The following SGK3 variants were observed in gnomAD, a reference collection of about 807,000 sequenced individuals.
The protein encoded by SGK3 is serine/threonine-protein kinase Sgk3.
Under a neutral mutation model 68.5 loss-of-function variants are expected in SGK3, and 47 were observed. That is an observed-to-expected ratio of 0.69 (90% CI 0.54 to 0.87). The LOEUF is 0.87. Ranked by LOEUF, SGK3 falls within the 40% of genes least tolerant of loss-of-function variation. SGK3 has a pLI of 0.00. For missense variants in SGK3, 479 were observed against 575.5 expected (o/e 0.83, Z 1.72); for synonymous variants, 181 against 189.1 (o/e 0.96, Z 0.35).
intron 14 of SGK3, among the ~76,000 whole-genome samples, chr8:66,846,885 C>T (rs367896843): frequency 6.6e-6 from 1 of 152,124 alleles, no homozygotes; most frequent in African/African-American, 2.4e-5. Flanking sequence ...TGTCATTATG[C>T]CTATGATAAG....
intron 1 of SGK3, among the ~76,000 whole-genome samples, chr8:66,724,847 C>T (rs1585633120): frequency 6.6e-6 from 1 of 152,164 alleles, no homozygotes; most frequent in African/African-American, 2.4e-5. Context: ...GTGGCTCACG[C>T]CTGGGAGGCC....
chr8:66,837,705 G>T (rs1292969215), intron 10 of SGK3, among the ~76,000 whole-genome samples: 4 of 152,132 alleles, frequency 2.6e-5, no homozygotes, highest in Non-Finnish European at 4.4e-5. Flanking sequence ...GATTGTTTGA[G>T]CCCAGGAGGT....
chr8:66,817,525 G>T (rs1056382968), intron 5 of SGK3, among the ~76,000 whole-genome samples: 1 of 151,626 alleles, frequency 6.6e-6, no homozygotes, highest in African/African-American at 2.4e-5. Flanking sequence ...GCTAATTTTT[G>T]TATTTTTAAT....
intron 12 of SGK3, among the ~76,000 whole-genome samples, chr8:66,840,498 T>C (rs1261348011): frequency 6.6e-6 from 1 of 152,168 alleles, no homozygotes; most frequent in Non-Finnish European, 1.5e-5. Context: ...TACATCTGTA[T>C]TGCGTAGAGC....
In SGK3 at chr8:66,744,766, A is replaced by G. The variant is rs146864541; in HGVS notation, c.-122+31933A>G. On this transcript the variant is annotated intron_variant, in intron 1 of 16. Transcript: ENST00000521198. ...AATGATCCACCCGCCTTGGCCTCGC[A>G]GTGTGCTGGGATTACAGGCATGAGC... is the stretch of plus-strand genomic sequence containing the variant. 5.9e-3 allele frequency among the ~76,000 whole-genome samples: 887 copies of G among 149,562 alleles called. 11 individuals are homozygous for G. The highest frequency in any genetic ancestry group is 0.02 in the African/African-American group (823 of 40,866).
intron 3 of SGK3, among the ~76,000 whole-genome samples, chr8:66,801,670 T>TCA (rs746046734): frequency 1.2e-4 from 18 of 150,508 alleles, no homozygotes; most frequent in East Asian, 9.7e-4. Context: ...TCTCTCTCTC[T>TCA]CACACACACA....
intron 5 of SGK3, among the ~76,000 whole-genome samples, chr8:66,815,468 G>A (rs188914677): frequency 1.4e-4 from 21 of 152,226 alleles, no homozygotes; most frequent in Admixed American, 1.2e-3. Flanking sequence ...CTTACTATTT[G>A]GCTCTTTGTT....
chr8:66,749,083 G>A (rs1328438323), intron 1 of SGK3, among the ~76,000 whole-genome samples: 1 of 152,100 alleles, frequency 6.6e-6, no homozygotes, highest in Non-Finnish European at 1.5e-5. Context: ...TATTCTAAAT[G>A]AATGAATGCT....
At chr8:66,730,142 T>A (rs760562099) in intron 1 of SGK3, among the ~76,000 whole-genome samples, 24 of 152,196 alleles carry the variant, frequency 1.6e-4, no homozygotes, top group Admixed American at 3.9e-4. Context: ...TTCTTTCTAT[T>A]TTAGCCATTT....
At chr8:66,798,710 T>C (rs2130592041) in intron 3 of SGK3, 85 bp downstream of exon 3, 4 of 1,157,184 alleles carry the variant, frequency 3.5e-6, no homozygotes, top group East Asian at 2.4e-5. Context: ...AATGATTAAA[T>C]TGATACTCAT....
chr8:66,802,773 G>A (rs1284190641), intron 3 of SGK3, among the ~76,000 whole-genome samples: 2 of 151,548 alleles, frequency 1.3e-5, no homozygotes, highest in Non-Finnish European at 2.9e-5. Flanking sequence ...AGGAAGGAAG[G>A]AAGGTTAATT....
intron 1 of SGK3, among the ~76,000 whole-genome samples, chr8:66,713,516 A>T (rs1407817652): frequency 6.6e-6 from 1 of 152,240 alleles, no homozygotes; most frequent in Non-Finnish European, 1.5e-5. Flanking sequence ...ACCAGAGACT[A>T]CTTAGTGTGC....
intron 1 of SGK3, among the ~76,000 whole-genome samples, chr8:66,756,138 G>T (rs901841512): frequency 1.3e-5 from 2 of 152,042 alleles, no homozygotes; most frequent in African/African-American, 4.8e-5. Context: ...ACTTAGCTAC[G>T]TACACAAGGA....
At chr8:66,725,919 T>C (rs894956461) in intron 1 of SGK3, among the ~76,000 whole-genome samples, 3 of 152,162 alleles carry the variant, frequency 2.0e-5, no homozygotes, top group African/African-American at 7.2e-5. Flanking sequence ...CCATTGCAAT[T>C]ACTGCAACAT....
chr8:66,745,294 A>G (rs1805620974), intron 1 of SGK3, among the ~76,000 whole-genome samples: 1 of 152,160 alleles, frequency 6.6e-6, no homozygotes, highest in Non-Finnish European at 1.5e-5. Flanking sequence ...AAAGTTGGCC[A>G]GGCACAGTGG....
chr8:66,724,815 A>G (rs1804930626), intron 1 of SGK3, among the ~76,000 whole-genome samples: 1 of 152,176 alleles, frequency 6.6e-6, no homozygotes, highest in Non-Finnish European at 1.5e-5. Context: ...CACATAAGAA[A>G]TTGGCATTTT....
intron 1 of SGK3, among the ~76,000 whole-genome samples, chr8:66,727,289 G>A (rs1264121324): frequency 6.6e-6 from 1 of 151,978 alleles, no homozygotes; most frequent in Non-Finnish European, 1.5e-5. Flanking sequence ...TAGACACAGG[G>A]TTTTGCTGTG....
intron 5 of SGK3, among the ~76,000 whole-genome samples, chr8:66,821,096 G>A (rs980789930): frequency 3.9e-5 from 6 of 152,128 alleles, no homozygotes; most frequent in African/African-American, 1.4e-4. Flanking sequence ...AGGACAGATT[G>A]GGGAGAGGGT....
At chr8:66,788,617 C>T (rs1178178318) in intron 1 of SGK3, among the ~76,000 whole-genome samples, 4 of 152,174 alleles carry the variant, frequency 2.6e-5, no homozygotes, top group Admixed American at 2.6e-4. Flanking sequence ...TCATAGGTTA[C>T]CCAGTAAATG....
Sources: allele counts gnomAD v4.1 joint callset (sites outside exome capture counted in the v4.1 genomes callset), GRCh38; gene constraint gnomAD v4.1.1; transcripts MANE v1.5; gene names NCBI Gene and HGNC (gene_info 2026-07-23, HGNC 2026-07-21).